MYOCD: variants seen among roughly 807,000 people sequenced by gnomAD.
The protein encoded by MYOCD is myocardin.
MYOCD carries 32 observed loss-of-function variants against 96.1 expected under a neutral mutation model. That is an observed-to-expected ratio of 0.33 (90% CI 0.25 to 0.45). MYOCD has a LOEUF of 0.45. Ranked by LOEUF, MYOCD falls within the 20% of genes least tolerant of loss-of-function variation. MYOCD has a pLI of 1.00. For missense variants in MYOCD, 1,133 were observed against 1,200.6 expected (o/e 0.94, Z 0.83); for synonymous variants, 469 against 469.0 (o/e 1.00, Z 0.00).
chr17:12,674,689 G>A (rs755855594), intron 1 of MYOCD, among the ~76,000 whole-genome samples: 1 of 152,126 alleles, frequency 6.6e-6, no homozygotes, highest in Non-Finnish European at 1.5e-5. Context: ...TGATAACAGT[G>A]GCTGTCCACT....
chr17:12,710,486 T>C (rs2031447744), intron 2 of MYOCD: 1 of 984,188 alleles, frequency 1.0e-6, no homozygotes, highest in African/African-American at 1.7e-5. Context: ...GCCTTTATTT[T>C]TTTTGCAGAC....
intron 1 of MYOCD, among the ~76,000 whole-genome samples, chr17:12,696,014 GA>G (rs1246098338): frequency 1.3e-4 from 20 of 152,110 alleles, no homozygotes; most frequent in Admixed American, 7.9e-4. Context: ...TAGCATGTCA[GA>G]ATTTCCTTCC....
At chr17:12,728,034 C>T (rs1302590595) in intron 5 of MYOCD, among the ~76,000 whole-genome samples, 1 of 152,198 alleles carries the variant, frequency 6.6e-6, no homozygotes, top group African/African-American at 2.4e-5. Context: ...ACCTCATTGC[C>T]TATTTCGCCT....
At chr17:12,676,147 G>A (rs1459514432) in intron 1 of MYOCD, among the ~76,000 whole-genome samples, 2 of 151,890 alleles carry the variant, frequency 1.3e-5, no homozygotes, top group Non-Finnish European at 2.9e-5. Context: ...AAGATTTAGA[G>A]GACGTGGACA....
At chr17:12,727,204 AAG>A (rs2032024483) in intron 5 of MYOCD, among the ~76,000 whole-genome samples, 1 of 152,232 alleles carries the variant, frequency 6.6e-6, no homozygotes, top group Non-Finnish European at 1.5e-5. Context: ...AAAGAGGCAG[AAG>A]ATACAGGGTG....
At chr17:12,696,580 G>C (rs905169972) in intron 1 of MYOCD, among the ~76,000 whole-genome samples, 1 of 152,128 alleles carries the variant, frequency 6.6e-6, no homozygotes, top group Non-Finnish European at 1.5e-5. Context: ...GCCACCACTT[G>C]TTTTCTGTTT....
intron 13 of MYOCD, chr17:12,761,946 A>G (rs1475093714): frequency 1.1e-4 from 16 of 152,320 alleles, no homozygotes. Context: ...TTTTAATGAA[A>G]TATGTGGCAA....
chr17:12,743,561 C>T (rs1391577315), intron 7 of MYOCD, among the ~76,000 whole-genome samples: 13 of 141,186 alleles, frequency 9.2e-5, no homozygotes, highest in African/African-American at 2.6e-4. Context: ...GGCGTGATCT[C>T]GGCTCACTGC....
intron 1 of MYOCD, among the ~76,000 whole-genome samples, chr17:12,684,593 T>A (rs537832533): frequency 1.3e-5 from 2 of 152,124 alleles, no homozygotes; most frequent in South Asian, 2.1e-4. Context: ...ATGCCTGTAA[T>A]CCCAGCACTT....
At chr17:12,688,494 C>A (rs756903773) in intron 1 of MYOCD, among the ~76,000 whole-genome samples, 15 of 146,472 alleles carry the variant, frequency 1.0e-4, no homozygotes, top group Non-Finnish European at 1.8e-4. Context: ...TTCCTTCCAT[C>A]TCCTTTTTTC....
intron 5 of MYOCD, among the ~76,000 whole-genome samples, chr17:12,726,480 T>C (rs2032003111): frequency 2.0e-5 from 3 of 152,098 alleles, no homozygotes; most frequent in African/African-American, 7.2e-5. Context: ...CATCCACTTA[T>C]TAAAAAAAAT....
intron 5 of MYOCD, among the ~76,000 whole-genome samples, chr17:12,734,109 A>G (rs2032265860): frequency 9.7e-6 from 1 of 103,208 alleles, no homozygotes; most frequent in Non-Finnish European, 2.1e-5. Context: ...CCATGTTAGA[A>G]TATGTAGATT....
intron 7 of MYOCD, 88 bp downstream of exon 7, chr17:12,739,416 A>T: frequency 1.4e-6 from 2 of 1,422,410 alleles, no homozygotes; most frequent in Non-Finnish European, 1.9e-6. Context: ...AGGTCTGACA[A>T]CACGAGGAGA....
In MYOCD at chr17:12,768,743, A is replaced by G. The variant is rs2033404638; in HGVS notation, c.*5099A>G. 1 of 152,120 alleles carries G rather than the reference A, an allele frequency of 6.6e-6. No homozygotes were observed. Among genetic ancestry groups the G allele is most frequent in the Admixed American group, 6.5e-5 (1 of 15,278 alleles). The allele number at this position is 152,120 out of a possible 1,614,324, so 9.4% of individuals were successfully genotyped here. ...AGAGACACTTTGTAAAGAAAAAAAG[A>G]GCAAGCATAGGTTCTCTGTGGGACC... On this transcript the variant is annotated 3_prime_UTR_variant, in exon 14 of 14. Transcript: ENST00000425538.
intron 1 of MYOCD, among the ~76,000 whole-genome samples, chr17:12,666,776 T>G (rs1909402771): frequency 1.3e-5 from 2 of 152,074 alleles, no homozygotes; most frequent in South Asian, 4.2e-4. Context: ...GAAAGCCCAG[T>G]GCCACAAATA....
intron 4 of MYOCD, among the ~76,000 whole-genome samples, chr17:12,721,863 C>T (rs1426787429): frequency 1.3e-5 from 2 of 152,038 alleles, no homozygotes; most frequent in Non-Finnish European, 2.9e-5. Flanking sequence ...TTTGGTATGC[C>T]CATTCTTTGG....
At chr17:12,676,837 T>C (rs774569985) in intron 1 of MYOCD, among the ~76,000 whole-genome samples, 6 of 152,206 alleles carry the variant, frequency 3.9e-5, no homozygotes, top group Admixed American at 1.3e-4. Context: ...TCCATCCTTA[T>C]TGATTGTATG....
chr17:12,758,103 T>A lies in MYOCD; in HGVS notation c.2221T>A (p.Ser741Thr). ...VQQKMAGLHS[S>T]DKVGPKFSIP... ...CATGCAGATGGCTGGTTTACACTCT[T>A]CTGATAAGGTGGGGCCAAAGTTTTC... Residue 741 changes from serine (S) to threonine (T), a missense_variant, in exon 12 of 14, where the codon TCT becomes ACT. Ser to Thr is a moderately conservative substitution (Grantham distance 58, BLOSUM62 1). Coordinates refer to ENST00000425538, the MANE Select transcript of MYOCD (RefSeq NM_001146312.3). 6.2e-7 allele frequency: 1 copy of A among 1,613,980 alleles called. No homozygotes were observed. The highest frequency in any genetic ancestry group is 8.5e-7 in the Non-Finnish European group (1 of 1,179,848).
rs897728269 is a variant in MYOCD at position 12,766,141 on chromosome 17, G to A, written c.*2497G>A. The A allele has an allele frequency of 1.4e-4, 22 of 152,294 alleles. No individual in the cohort carries two copies. Among genetic ancestry groups the A allele is most frequent in the African/African-American group, 3.8e-4 (16 of 41,572 alleles). The allele number at this position is 152,294 out of a possible 1,614,324, so 9.4% of individuals were successfully genotyped here. A position where few individuals can be genotyped will look rare whatever the true frequency, so the allele number is the denominator to read the frequency against. ...GGTCAGTGCACTTTTCAGGTGTCAC[G>A]TTTTGCTGTTTGTATGTTTTTTCTT... On this transcript the variant is annotated 3_prime_UTR_variant, in exon 14 of 14. Coordinates refer to ENST00000425538, the MANE Select transcript of MYOCD (RefSeq NM_001146312.3).
Sources: gnomAD v4.1 joint callset for allele counts (sites outside exome capture counted in the v4.1 genomes callset) on GRCh38, gnomAD v4.1.1 for gene constraint, MANE v1.5 for transcripts, NCBI Gene and HGNC (gene_info 2026-07-23, HGNC 2026-07-21) for gene names.